DAB1: variants seen among roughly 807,000 people sequenced by gnomAD.
The protein encoded by DAB1 is DAB adaptor protein 1.
A neutral mutation model predicts 64.6 loss-of-function variants in DAB1; 15 were observed. The ratio of observed to expected loss-of-function variants is 0.23; its 90% CI spans 0.16 to 0.36. The LOEUF (loss-of-function observed/expected upper bound fraction) is 0.36. DAB1 is among the 10% of genes least tolerant of loss of function. The pLI, the probability that DAB1 is intolerant of heterozygous loss-of-function variation, is 1.00. For missense variants in DAB1, 596 were observed against 706.7 expected, an observed-to-expected ratio of 0.84 and a Z score of 1.78; for synonymous variants, 235 against 251.9, an observed-to-expected ratio of 0.93 and a Z score of 0.64.
chr1:57,881,465 A>G (rs1200626046), intron 1 of DAB1, among the ~76,000 whole-genome samples: 1 of 152,238 alleles, frequency 6.6e-6, no homozygotes, highest in African/African-American at 2.4e-5. Context: ...GTCAAGTCCC[A>G]GATTTGCAAA....
chr1:57,443,443 T>C (rs1157601813), intron 7 of DAB1, among the ~76,000 whole-genome samples: 1 of 152,324 alleles, frequency 6.6e-6, no homozygotes, highest in African/African-American at 2.4e-5. Context: ...TTCATATCTC[T>C]GGATGTTTTT....
In DAB1 at chr1:57,782,218, G is replaced by A. The variant is rs1447141168; in HGVS notation, n.551+101781C>T. ...CAAGAATGAAACAAGCTTGAAGCCAGAGAATGGATCTTAAAACTAGAGAAT... is the reference window on the plus strand; with the variant it reads ...CAAGAATGAAACAAGCTTGAAGCCAAAGAATGGATCTTAAAACTAGAGAAT... On this transcript the variant is annotated intron_variant and non_coding_transcript_variant, in intron 6 of 20. Coordinates refer to the DAB1 transcript ENST00000485760. Among the ~76,000 whole-genome samples the A allele has an allele frequency of 2.6e-5, 4 of 152,250 alleles. No homozygotes were observed. In the East Asian group the frequency reaches 7.7e-4, roughly 29 times the overall value.
intron 4 of DAB1, among the ~76,000 whole-genome samples, chr1:57,109,458 C>T (rs1655460998): frequency 6.6e-6 from 1 of 152,164 alleles, no homozygotes; most frequent in Non-Finnish European, 1.5e-5. Flanking sequence ...TCCAGAAAAG[C>T]TGGGCTGTCC....
chr1:58,265,049 G>A (rs1366490861), intron 4 of DAB1, among the ~76,000 whole-genome samples: 1 of 152,232 alleles, frequency 6.6e-6, no homozygotes, highest in African/African-American at 2.4e-5. Flanking sequence ...GAAGTAGAGT[G>A]TAGAATGTGT....
At chr1:58,510,477 C>A (rs1052305984) in intron 2 of DAB1, among the ~76,000 whole-genome samples, 2 of 151,974 alleles carry the variant, frequency 1.3e-5, no homozygotes, top group African/African-American at 4.8e-5. Context: ...ATTATCTCGA[C>A]ATAATTATAG....
At chr1:58,123,155 A>G (rs893593742) in intron 5 of DAB1, among the ~76,000 whole-genome samples, 7 of 152,176 alleles carry the variant, frequency 4.6e-5, no homozygotes, top group Non-Finnish European at 1.0e-4. Context: ...CTACAAGGGC[A>G]AGTAATCGCC....
intron 2 of DAB1, among the ~76,000 whole-genome samples, chr1:57,206,873 C>A (rs951903824): frequency 1.3e-5 from 2 of 151,604 alleles, no homozygotes; most frequent in Non-Finnish European, 2.9e-5. Context: ...AGTGTTATGC[C>A]ATGTATATGA....
At chr1:58,425,154 C>G (rs1287632112) in intron 3 of DAB1, among the ~76,000 whole-genome samples, 1 of 152,178 alleles carries the variant, frequency 6.6e-6, no homozygotes, top group African/African-American at 2.4e-5. Flanking sequence ...GAGATAGACC[C>G]TTGAAACAAG....
At chr1:57,381,797 A>C (rs1160821010) in intron 1 of DAB1, among the ~76,000 whole-genome samples, 4 of 152,112 alleles carry the variant, frequency 2.6e-5, no homozygotes, top group East Asian at 3.9e-4. Context: ...CTTATTATTA[A>C]CAATTGGGCA....
intron 1 of DAB1, among the ~76,000 whole-genome samples, chr1:57,417,199 G>A (rs80084962): frequency 0.029 from 4,454 of 152,214 alleles, 236 homozygotes; most frequent in African/African-American, 0.1. Context: ...CTGAGTGGTA[G>A]GTACAAAACT....
At chr1:57,553,032 C>G (rs1421453154) in intron 7 of DAB1, among the ~76,000 whole-genome samples, 5 of 151,994 alleles carry the variant, frequency 3.3e-5, no homozygotes, top group Non-Finnish European at 7.4e-5. Flanking sequence ...ATGTACGTGG[C>G]TCCTGCTGCT....
intron 3 of DAB1, among the ~76,000 whole-genome samples, chr1:58,371,921 C>T (rs1175266903): frequency 6.6e-6 from 1 of 152,182 alleles, no homozygotes; most frequent in Admixed American, 6.5e-5. Context: ...TATGAAAATG[C>T]CAAAATGTCC....
chr1:57,109,540 G>A (rs903981338), intron 4 of DAB1, among the ~76,000 whole-genome samples: 3 of 151,926 alleles, frequency 2.0e-5, no homozygotes, highest in Non-Finnish European at 4.4e-5. Context: ...TGCAATGTGG[G>A]AATTCAAAGT....
intron 2 of DAB1, among the ~76,000 whole-genome samples, chr1:57,249,207 G>T (rs1010774447): frequency 8.6e-6 from 1 of 116,678 alleles, no homozygotes; most frequent in Admixed American, 9.8e-5. Context: ...TGTGGATCTT[G>T]TATGTATAGA....
At chr1:57,877,364 A>G (rs1569901032) in intron 1 of DAB1, among the ~76,000 whole-genome samples, 1 of 152,090 alleles carries the variant, frequency 6.6e-6, no homozygotes, top group East Asian at 1.9e-4. Context: ...CCATTATGAT[A>G]CACTCTGTTC....
chr1:57,692,850 G>A (rs1001511524), intron 6 of DAB1, among the ~76,000 whole-genome samples: 2 of 152,078 alleles, frequency 1.3e-5, no homozygotes, highest in African/African-American at 2.4e-5. Flanking sequence ...ACCAGTCAGG[G>A]ATAGTACGAG....
intron 3 of DAB1, among the ~76,000 whole-genome samples, chr1:58,505,010 T>G (rs1423742245): frequency 6.6e-6 from 1 of 152,068 alleles, no homozygotes; most frequent in African/African-American, 2.4e-5. Context: ...TAGAGTGCAG[T>G]GGCACGATCT....
chr1:57,710,781 G>A (rs958508563), intron 6 of DAB1, among the ~76,000 whole-genome samples: 2 of 152,006 alleles, frequency 1.3e-5, no homozygotes, highest in African/African-American at 4.8e-5. Flanking sequence ...GAGTTTAATA[G>A]ACAAGAGGCC....
chr1:58,122,146 A>G lies in DAB1; in HGVS notation n.387+28365T>C, dbSNP rs186681074. Among the ~76,000 whole-genome samples the G allele has an allele frequency of 3.5e-3, 527 of 152,334 alleles. 3 individuals carry two copies. The highest frequency in any genetic ancestry group is 0.012 in the African/African-American group (507 of 41,592). ...CTGTTTATTGTACCATACCATGGACAAAAGAGGAAAAGTCTGGCAACATCT... is the reference window on the plus strand; with the variant it reads ...CTGTTTATTGTACCATACCATGGACGAAAGAGGAAAAGTCTGGCAACATCT... On this transcript the variant is annotated intron_variant and non_coding_transcript_variant, in intron 5 of 20. Transcript: ENST00000485760.
Sources: gnomAD v4.1 joint callset for allele counts (sites outside exome capture counted in the v4.1 genomes callset) on GRCh38, gnomAD v4.1.1 for gene constraint, MANE v1.5 for transcripts, NCBI Gene and HGNC (gene_info 2026-07-23, HGNC 2026-07-21) for gene names.